Variants in NTNG1 observed in about 807,000 individuals in gnomAD.
NTNG1 encodes netrin G1.
A neutral mutation model predicts 54.0 loss-of-function variants in NTNG1; 16 were observed. The ratio of observed to expected loss-of-function variants is 0.30; its 90% CI spans 0.20 to 0.45. The LOEUF (loss-of-function observed/expected upper bound fraction) is 0.45, where lower values mean the gene tolerates loss of function less well. NTNG1 is among the 20% of genes least tolerant of loss of function. The pLI is 1.00. For synonymous variants in NTNG1, 255 were observed against 263.1 expected, an observed-to-expected ratio of 0.97 and a Z score of 0.30; for missense variants, 530 against 678.7, an observed-to-expected ratio of 0.78 and a Z score of 2.43.
chr1:107,455,583 C>T (rs1323221499), intron 7 of NTNG1: 3 of 488,700 alleles, frequency 6.1e-6, no homozygotes, highest in Middle Eastern at 3.2e-4. Context: ...TATTCTCAGA[C>T]AGGCAGGGCA....
Position 107,403,538 on chromosome 1 carries a change from C to T in NTNG1, c.1061-4144C>T, listed in dbSNP as rs2587898. On this transcript the variant is annotated intron_variant, in intron 4 of 7. Transcript: ENST00000370068. ...CAGCGTGGCCAGTACGGCAAAACCC[C>T]ATCTCTACTAAAAATACAAAAATTA... is the stretch of plus-strand genomic sequence containing the variant. The T allele has an allele frequency of 8.9e-3, 1,355 of 152,606 alleles. 18 individuals are homozygous for T. The highest frequency in any genetic ancestry group is 0.026 in the African/African-American group (1,096 of 41,442). 9.5% of individuals were successfully genotyped at this position (152,606 alleles called of 1,614,324 possible).
At position 107,436,692 on chromosome 1, in the gene NTNG1, T is replaced by C; in HGVS notation, c.1283T>C (p.Ile428Thr). ...TGTTATTGTAACCCTTTGGGCTCAATCCATGATCGTTGTAATGGCTCAGGA... is the reference window on the plus strand; with the variant it reads ...TGTTATTGTAACCCTTTGGGCTCAACCCATGATCGTTGTAATGGCTCAGGA... ...IECYCNPLGS[I>T]HDRCNGSGFC... The change falls in exon 7 of 8, where the codon ATC (isoleucine) becomes ACC (threonine). Residue 428 changes from isoleucine to threonine, a missense_variant. Around this residue, in one of 2 missense-constraint regions of NTNG1, gnomAD observed 212 missense variants for 213.6 expected, o/e 0.99. Coordinates refer to ENST00000370068, the MANE Select transcript of NTNG1 (RefSeq NM_001113226.3). 6.2e-7 allele frequency: 1 copy of C among 1,613,616 alleles called. No individual in the cohort carries two copies. The highest frequency in any genetic ancestry group is 1.1e-5 in the South Asian group (1 of 91,058).
At chr1:107,286,553 T>C (rs1665214529) in intron 2 of NTNG1, among the ~76,000 whole-genome samples, 1 of 152,196 alleles carries the variant, frequency 6.6e-6, no homozygotes, top group African/African-American at 2.4e-5. Context: ...TTTCTACAGA[T>C]TATGCAGAGG....
intron 2 of NTNG1, among the ~76,000 whole-genome samples, chr1:107,191,149 G>A (rs1374984281): frequency 6.6e-6 from 1 of 152,158 alleles, no homozygotes; most frequent in African/African-American, 2.4e-5. Flanking sequence ...TCTCATTGTG[G>A]TTTTGATTTG....
In NTNG1 at chr1:107,484,048, G is replaced by T. The variant is rs912117842; in HGVS notation, c.*3208G>T. Among the ~76,000 whole-genome samples the T allele has an allele frequency of 3.3e-5, 5 of 152,124 alleles. No individual in the cohort carries two copies. The South Asian group carries it at 8.3e-4, about 25-fold the overall frequency. ...CTACTCAGATAACCGCCCCCCACAC[G>T]CACACTTTTAGGCCAAATGTAGGCC... On this transcript the variant is annotated 3_prime_UTR_variant, in exon 8 of 8. Transcript: ENST00000370068.
intron 7 of NTNG1, among the ~76,000 whole-genome samples, chr1:107,463,155 T>C (rs1677383818): frequency 6.6e-6 from 1 of 152,250 alleles, no homozygotes; most frequent in African/African-American, 2.4e-5. Flanking sequence ...GCTAGATTCC[T>C]AGTCTAGTTA....
Position 107,354,251 on chromosome 1 carries a change from A to ACT in NTNG1, c.887+29329_887+29330insCT, listed in dbSNP as rs1262940608. 4.1e-4 allele frequency among the ~76,000 whole-genome samples: 62 copies of ACT among 152,088 alleles called. 2 individuals are homozygous for ACT. In the East Asian group the frequency reaches 0.01, roughly 25 times the overall value. ...TTTGGGAGGCTGAAGCGGGCAGATC[A>ACT]TGAGGTCAAGAGTTCAAGACCAGCC... On this transcript the variant is annotated intron_variant, in intron 3 of 7. Transcript: ENST00000370068.
intron 4 of NTNG1, among the ~76,000 whole-genome samples, chr1:107,407,270 C>T (rs1313007591): frequency 2.0e-5 from 3 of 152,234 alleles, no homozygotes; most frequent in Middle Eastern, 3.4e-3. Context: ...TATATTTGCA[C>T]GTGTCCATAG....
intron 5 of NTNG1, among the ~76,000 whole-genome samples, chr1:107,421,539 C>T (rs916795584): frequency 2.0e-5 from 3 of 151,946 alleles, no homozygotes; most frequent in Non-Finnish European, 4.4e-5. Flanking sequence ...TGTATGGTGC[C>T]CATTTCACTT....
chr1:107,449,884 A>G (rs1676521247), intron 7 of NTNG1, among the ~76,000 whole-genome samples: 1 of 152,108 alleles, frequency 6.6e-6, no homozygotes, highest in Non-Finnish European at 1.5e-5. Context: ...CATGATTAGC[A>G]TTGCACTGAA....
intron 2 of NTNG1, among the ~76,000 whole-genome samples, chr1:107,196,331 A>G (rs1658325038): frequency 6.6e-6 from 1 of 152,008 alleles, no homozygotes; most frequent in Admixed American, 6.6e-5. Context: ...CCTTCCATGT[A>G]TGAAATGGGT....
intron 2 of NTNG1, among the ~76,000 whole-genome samples, chr1:107,214,374 A>AT (rs1341998054): frequency 1.3e-5 from 2 of 152,174 alleles, no homozygotes; most frequent in East Asian, 3.9e-4. Flanking sequence ...ACGATGTTTG[A>AT]TTTTCCATTC....
chr1:107,453,947 A>G (rs950703348), intron 7 of NTNG1, among the ~76,000 whole-genome samples: 5 of 152,116 alleles, frequency 3.3e-5, no homozygotes, highest in Admixed American at 3.3e-4. Flanking sequence ...AAATCAAAAT[A>G]CAGATTTGAC....
At chr1:107,210,916 A>C (rs143867058) in intron 2 of NTNG1, among the ~76,000 whole-genome samples, 1 of 151,868 alleles carries the variant, frequency 6.6e-6, no homozygotes, top group African/African-American at 2.4e-5. Context: ...CCTGTTTTCC[A>C]TTTCTTTCTT....
intron 3 of NTNG1, among the ~76,000 whole-genome samples, chr1:107,338,193 T>A (rs1017720589): frequency 1.3e-5 from 2 of 151,912 alleles, no homozygotes; most frequent in Non-Finnish European, 2.9e-5. Flanking sequence ...TCATGAAACA[T>A]GAGGGTTGTG....
intron 2 of NTNG1, among the ~76,000 whole-genome samples, chr1:107,192,797 A>T (rs1181807154): frequency 6.6e-6 from 1 of 152,022 alleles, no homozygotes; most frequent in Non-Finnish European, 1.5e-5. Context: ...AAGCCATGGG[A>T]TTTGATTCTA....
intron 7 of NTNG1, among the ~76,000 whole-genome samples, chr1:107,471,134 A>T (rs1677951250): frequency 6.6e-6 from 1 of 152,094 alleles, no homozygotes; most frequent in Non-Finnish European, 1.5e-5. Context: ...TTAATATTAG[A>T]TGAGTAAGAA....
chr1:107,324,989 C>A (rs1021149156), intron 3 of NTNG1, 67 bp downstream of exon 3: 1 of 1,450,830 alleles, frequency 6.9e-7, no homozygotes, highest in Non-Finnish European at 9.3e-7. Flanking sequence ...GAGTGTCTCA[C>A]AGCTGTAAAG....
At chr1:107,163,718 G>A (rs554352589) in intron 2 of NTNG1, among the ~76,000 whole-genome samples, 6 of 152,068 alleles carry the variant, frequency 3.9e-5, no homozygotes, top group South Asian at 2.1e-4. Flanking sequence ...ATATTGGCTC[G>A]GTGTTTTAAC....
Sources: allele counts gnomAD v4.1 joint callset (sites outside exome capture counted in the v4.1 genomes callset), GRCh38; gene constraint gnomAD v4.1.1; regional missense constraint gnomAD v4.1.1; transcripts MANE v1.5; gene names NCBI Gene and HGNC (gene_info 2026-07-23, HGNC 2026-07-21).